Variants in WDR1 observed in about 807,000 individuals in gnomAD.
WDR1 encodes the protein WD repeat-containing protein 1.
A neutral mutation model predicts 71.9 loss-of-function variants in WDR1; 21 were observed. That is an observed-to-expected ratio of 0.29 (90% CI 0.21 to 0.42). The LOEUF is 0.42. Ranked by LOEUF, WDR1 falls within the 10% of genes least tolerant of loss-of-function variation. The probability of loss-of-function intolerance (pLI) is 1.00; values close to 1 mark genes in which losing one functional copy is unlikely to be tolerated. For synonymous variants in WDR1, 424 were observed against 347.4 expected (o/e 1.22, Z -2.45); for missense variants, 696 against 824.5 (o/e 0.84, Z 1.91).
intron 2 of WDR1, among the ~76,000 whole-genome samples, chr4:10,109,026 T>C (rs1421599912): frequency 6.6e-6 from 1 of 152,272 alleles, no homozygotes; most frequent in African/African-American, 2.4e-5. Flanking sequence ...GGCTGGAGCC[T>C]GGTAGCTGTT....
chr4:10,110,337 C>T (rs1403426753), intron 2 of WDR1, among the ~76,000 whole-genome samples: 2 of 152,252 alleles, frequency 1.3e-5, no homozygotes, highest in Non-Finnish European at 2.9e-5. Context: ...TCCAAAGAAG[C>T]ATCTCCAACT....
intron 5 of WDR1, chr4:10,093,194 TGG>T (rs2109667205): frequency 7.9e-7 from 1 of 1,272,712 alleles, no homozygotes; most frequent in Non-Finnish European, 1.0e-6. Context: ...AGGAACCCTC[TGG>T]GAGCCCACCC....
intron 2 of WDR1, among the ~76,000 whole-genome samples, chr4:10,111,701 A>G (rs1713375156): frequency 6.6e-6 from 1 of 152,048 alleles, no homozygotes; most frequent in African/African-American, 2.4e-5. Flanking sequence ...TCATGCCACC[A>G]TTACCCCCAA....
rs541618052 is a variant in WDR1 at position 10,085,053 on chromosome 4, G to A, written c.952-523C>T. 5.3e-5 allele frequency among the ~76,000 whole-genome samples: 8 copies of A among 152,338 alleles called. No homozygotes were observed. In the East Asian group the frequency reaches 7.7e-4, roughly 15 times the overall value. ...TAAAAGCCCAAGGCTGTCCGTGAAC[G>A]CTGACGCTCCTACCCTAACCTCCCT... is the stretch of plus-strand genomic sequence containing the variant. On this transcript the variant is annotated intron_variant, in intron 8 of 14. Coordinates refer to ENST00000499869, the MANE Select transcript of WDR1 (RefSeq NM_017491.5).
intron 14 of WDR1, chr4:10,076,539 T>G (rs1764802976): frequency 6.6e-6 from 1 of 152,318 alleles, no homozygotes; most frequent in Non-Finnish European, 1.5e-5. Context: ...GCGATTGCCT[T>G]ATAAACCAGG....
chr4:10,085,715 GT>G (rs1287185749), intron 8 of WDR1, among the ~76,000 whole-genome samples: 17 of 152,360 alleles, frequency 1.1e-4, no homozygotes, highest in African/African-American at 4.1e-4. Flanking sequence ...AGACTTCCCT[GT>G]AAACTTAGTG....
rs13441 is a variant in WDR1 at position 10,097,716 on chromosome 4, T to C, written c.553A>G (p.Ile185Val). The C allele has an allele frequency of 0.67, 1,079,819 of 1,607,584 alleles. 366,568 individuals are homozygous for C. The highest frequency in any genetic ancestry group is 0.73 in the Middle Eastern group (4,358 of 6,010). The change falls in exon 5 of 15, where the codon ATT (isoleucine) becomes GTT (valine). Residue 185 changes from isoleucine (I) to valine (V), a missense_variant. Ile to Val is a conservative substitution (Grantham distance 29, BLOSUM62 3). Coordinates refer to ENST00000499869, the MANE Select transcript of WDR1 (RefSeq NM_017491.5). ...CAAAAAGTAAGTTCACTTACGCCAA[T>C]TGTGAACTTGAACTTGAATGGGGGT... ...EGPPFKFKFT[I>V]GDHSRFVNCV...
At chr4:10,102,159 G>GT (rs1447287636) in intron 3 of WDR1, among the ~76,000 whole-genome samples, 3 of 152,228 alleles carry the variant, frequency 2.0e-5, no homozygotes, top group African/African-American at 7.2e-5. Flanking sequence ...TCACCCAGGG[G>GT]TAAGTACCCA....
At chr4:10,110,539 C>G (rs1210551515) in intron 2 of WDR1, among the ~76,000 whole-genome samples, 1 of 152,152 alleles carries the variant, frequency 6.6e-6, no homozygotes, top group Non-Finnish European at 1.5e-5. Flanking sequence ...CTGGTTTCTC[C>G]CCACCTCTGC....
At chr4:10,111,396 C>A (rs560840460) in intron 2 of WDR1, among the ~76,000 whole-genome samples, 12 of 152,302 alleles carry the variant, frequency 7.9e-5, no homozygotes, top group Non-Finnish European at 1.5e-4. Context: ...AGATGAAGGC[C>A]CCCCACCACC....
chr4:10,113,903 T>C (rs546047306), intron 2 of WDR1, among the ~76,000 whole-genome samples: 2 of 152,324 alleles, frequency 1.3e-5, no homozygotes, highest in South Asian at 2.1e-4. Context: ...GCTTGGAGTA[T>C]GTATGTTGAG....
At chr4:10,083,325 T>C in intron 9 of WDR1, 147 bp from the exon 10 acceptor site, 1 of 1,033,236 alleles carries the variant, frequency 9.7e-7, no homozygotes, top group Non-Finnish European at 1.4e-6. Flanking sequence ...GCCTGCAGTG[T>C]CCACTGTTGA....
chr4:10,088,278 C>A lies in WDR1; in HGVS notation c.717+15G>T, dbSNP rs1372848681. On this transcript the variant is annotated intron_variant, in intron 7 of 14. Coordinates refer to ENST00000499869, the MANE Select transcript of WDR1 (RefSeq NM_017491.5). Reference sequence around the variant, plus strand: ...AAATTCCCACCACTAGGCCGGGAAACACGCTCATACTCACTGCGTAAATCC... The same window carrying A: ...AAATTCCCACCACTAGGCCGGGAAAAACGCTCATACTCACTGCGTAAATCC... The A allele has an allele frequency of 9.0e-6, 14 of 1,550,906 alleles. No homozygotes were observed. Among genetic ancestry groups the A allele is most frequent in the Non-Finnish European group, 1.2e-5 (14 of 1,147,084 alleles).
At chr4:10,099,188 A>AC in intron 3 of WDR1, 49 bp from the exon 4 acceptor site, 1 of 414,388 alleles carries the variant, frequency 2.4e-6, no homozygotes, top group South Asian at 2.3e-5. Flanking sequence ...GGTGGGGTAA[A>AC]GGGCAGGGGG....
rs549086889 is a variant in WDR1 at position 10,089,133 on chromosome 4, C to CT, written c.559-393dup. On this transcript the variant is annotated intron_variant, in intron 5 of 14. Coordinates refer to ENST00000499869, the MANE Select transcript of WDR1 (RefSeq NM_017491.5). ...AGGCCTCTTCCTGGAGGCACCAGCC[C>CT]TGTCTGGCTCTGTTGCCCAGGCTGG... is the stretch of plus-strand genomic sequence containing the variant. 5.8e-4 allele frequency among the ~76,000 whole-genome samples: 88 copies of CT among 152,334 alleles called. 2 individuals carry two copies. The highest frequency in any genetic ancestry group is 2.0e-3 in the African/African-American group (82 of 41,576).
At chr4:10,083,602 A>G (rs1301431202) in intron 9 of WDR1, 2 of 484,650 alleles carry the variant, frequency 4.1e-6, no homozygotes, top group Non-Finnish European at 8.2e-6. Context: ...GAGGTACAGC[A>G]CATGCGGACC....
At chr4:10,094,423 G>A (rs1322004640) in intron 5 of WDR1, among the ~76,000 whole-genome samples, 1 of 152,234 alleles carries the variant, frequency 6.6e-6, no homozygotes, top group Non-Finnish European at 1.5e-5. Flanking sequence ...GAGAAACTCA[G>A]TGGGGCCTTT....
chr4:10,114,229 A>G (rs543443511), intron 2 of WDR1, among the ~76,000 whole-genome samples: 3 of 152,206 alleles, frequency 2.0e-5, no homozygotes, highest in Non-Finnish European at 2.9e-5. Flanking sequence ...GAAGGGAAAC[A>G]GGGTAACCCC....
Position 10,099,139 on chromosome 4 carries a change from T to C in WDR1, c.230A>G (p.Asp77Gly). 1 of 1,396,520 alleles carries C rather than the reference T, an allele frequency of 7.2e-7. No individual in the cohort carries two copies. The highest frequency in any genetic ancestry group is 1.1e-5 in the South Asian group (1 of 88,278). The allele number at this position is 1,396,520 out of a possible 1,614,324, so 86.5% of individuals were successfully genotyped here. ...APSGFYIASG[D>G]VSGKLRIWDT... is the part of the protein sequence containing the mutation. ...CCAGATCCTCAGCTTCCCAGACACA[T>C]CTGTGGGGCACAGCGGGCGGGGGAG... The change falls in exon 4 of 15, where the codon GAT becomes GGT. Residue 77 changes from aspartate to glycine, a missense_variant and splice_region_variant. Coordinates refer to ENST00000499869, the MANE Select transcript of WDR1 (RefSeq NM_017491.5).
Sources: allele counts gnomAD v4.1 joint callset (sites outside exome capture counted in the v4.1 genomes callset), GRCh38; gene constraint gnomAD v4.1.1; transcripts MANE v1.5; gene names NCBI Gene and HGNC (gene_info 2026-07-23, HGNC 2026-07-21).